Variants in DIAPH2 observed in about 807,000 individuals in gnomAD.
The protein encoded by DIAPH2 is protein diaphanous homolog 2.
Under a neutral mutation model 92.7 loss-of-function variants are expected in DIAPH2, and 35 were observed. That is an observed-to-expected ratio of 0.38 (90% CI 0.29 to 0.50). The LOEUF (loss-of-function observed/expected upper bound fraction) is 0.50. Ranked by LOEUF, DIAPH2 falls within the 20% of genes least tolerant of loss-of-function variation. The pLI is 0.94. For synonymous variants in DIAPH2, 301 were observed against 280.4 expected (o/e 1.07, Z -0.73); for missense variants, 701 against 819.5 (o/e 0.86, Z 1.77).
At chrX:97,418,460 A>G (rs2069972147) in intron 25 of DIAPH2, among the ~76,000 whole-genome samples, 1 of 111,724 alleles carries the variant, frequency 9.0e-6, no homozygotes, top group African/African-American at 3.3e-5. Context: ...TCATAAGGAC[A>G]GTTCTTGAAA....
intron 26 of DIAPH2, among the ~76,000 whole-genome samples, chrX:97,482,690 A>G (rs1209190631): frequency 8.9e-6 from 1 of 111,911 alleles, no homozygotes; most frequent in East Asian, 2.8e-4. Context: ...TGCATTACCA[A>G]TGACAAATCA....
chrX:97,450,698 C>T (rs1465768201), intron 26 of DIAPH2, among the ~76,000 whole-genome samples: 2 of 111,026 alleles, frequency 1.8e-5, no homozygotes, highest in African/African-American at 3.3e-5. Context: ...TCTGGGAGCC[C>T]TTATGTCCCA....
chrX:97,438,133 A>G (rs930724960), intron 26 of DIAPH2, among the ~76,000 whole-genome samples: 1 of 106,704 alleles, frequency 9.4e-6, no homozygotes, highest in Non-Finnish European at 1.9e-5. Context: ...AAAAAAAAAA[A>G]AAAGAAAAAA....
intron 17 of DIAPH2, among the ~76,000 whole-genome samples, chrX:96,983,843 G>A (rs5921050): frequency 0.066 from 7,360 of 111,180 alleles, 233 homozygotes; most frequent in African/African-American, 0.096. Flanking sequence ...ATTTAATAAC[G>A]TTTTTGAAAA....
chrX:97,275,442 G>A (rs1419654132), intron 23 of DIAPH2, among the ~76,000 whole-genome samples: 3 of 107,826 alleles, frequency 2.8e-5, no homozygotes, highest in Admixed American at 9.8e-5. Context: ...CCTCCCAGAC[G>A]GGGCGGCTGC....
intron 19 of DIAPH2, among the ~76,000 whole-genome samples, chrX:97,082,444 AC>A (rs1390389700): frequency 5.3e-4 from 55 of 104,166 alleles, no homozygotes; most frequent in African/African-American, 2.0e-3. Context: ...ACGTAATGAA[AC>A]CCCGACTCTA....
intron 5 of DIAPH2, among the ~76,000 whole-genome samples, chrX:96,905,460 C>A (rs1024809820): frequency 8.1e-5 from 9 of 110,997 alleles, no homozygotes; most frequent in Admixed American, 1.9e-4. Flanking sequence ...TCAATAGGTA[C>A]ATTTATAGAA....
intron 17 of DIAPH2, among the ~76,000 whole-genome samples, chrX:97,057,929 A>G (rs1016314801): frequency 9.2e-6 from 1 of 108,189 alleles, no homozygotes; most frequent in Non-Finnish European, 1.9e-5. Flanking sequence ...GCTACATGCT[A>G]TTTTTCTCTT....
At chrX:97,278,135 C>T (rs537347114) in intron 23 of DIAPH2, among the ~76,000 whole-genome samples, 6 of 112,489 alleles carry the variant, frequency 5.3e-5, no homozygotes, top group South Asian at 3.7e-4. Flanking sequence ...TGAGCCACCA[C>T]GCCCAATCAA....
At chrX:97,543,142 T>G (rs2071153601) in intron 26 of DIAPH2, among the ~76,000 whole-genome samples, 1 of 112,397 alleles carries the variant, frequency 8.9e-6, no homozygotes, top group East Asian at 2.8e-4. Context: ...TCCAGGGTAG[T>G]CCCATTCATA....
intron 15 of DIAPH2, among the ~76,000 whole-genome samples, chrX:96,950,808 C>T (rs2065770003): frequency 9.0e-6 from 1 of 111,415 alleles, no homozygotes; most frequent in Non-Finnish European, 1.9e-5. Context: ...TGAGTTTTTC[C>T]TCCTTTATCT....
intron 24 of DIAPH2, among the ~76,000 whole-genome samples, chrX:97,356,591 A>T (rs2069269824): frequency 8.9e-6 from 1 of 112,040 alleles, no homozygotes; most frequent in Non-Finnish European, 1.9e-5. Context: ...TACAGATATC[A>T]TTGAATTCTT....
chrX:96,884,144 C>T (rs983838102), intron 5 of DIAPH2: 15 of 442,863 alleles, frequency 3.4e-5, no homozygotes, highest in Non-Finnish European at 5.4e-5. Flanking sequence ...CCACAGGTAG[C>T]GTGACGCTTG....
At chrX:96,956,077 A>G (rs923574804) in intron 15 of DIAPH2, among the ~76,000 whole-genome samples, 1 of 112,719 alleles carries the variant, frequency 8.9e-6, no homozygotes, top group African/African-American at 3.2e-5. Context: ...CCCTGCAGCA[A>G]ACTTCTGCCT....
intron 17 of DIAPH2, among the ~76,000 whole-genome samples, chrX:96,990,867 C>T (rs1380384683): frequency 1.8e-5 from 2 of 110,534 alleles, no homozygotes; most frequent in East Asian, 5.7e-4. Context: ...TCTCAGTAAC[C>T]CCTTCCTTCA....
At chrX:97,536,096 G>T (rs900643190) in intron 26 of DIAPH2, among the ~76,000 whole-genome samples, 4 of 112,283 alleles carry the variant, frequency 3.6e-5, no homozygotes, top group Non-Finnish European at 5.6e-5. Flanking sequence ...AGAATTTCAA[G>T]AAGTTTACTA....
intron 26 of DIAPH2, among the ~76,000 whole-genome samples, chrX:97,472,135 T>C (rs189061646): frequency 3.6e-5 from 4 of 112,475 alleles, no homozygotes; most frequent in African/African-American, 1.3e-4. Context: ...ATGAGTGATA[T>C]AATTTGTAGA....
chrX:97,362,063 A>G lies in DIAPH2; in HGVS notation c.3009+13783A>G, dbSNP rs762571435. On this transcript the variant is annotated intron_variant, in intron 24 of 26. Coordinates refer to ENST00000324765, the MANE Select transcript of DIAPH2 (RefSeq NM_006729.5). ...CGAGACCAGCCTGGCCAACATGGTG[A>G]AACCCTGTCTCTACTAAAAATACAA... 6.3e-5 allele frequency among the ~76,000 whole-genome samples: 7 copies of G among 111,292 alleles called. No individual in the cohort carries two copies. In the South Asian group the frequency reaches 2.7e-3, roughly 42 times the overall value.
intron 26 of DIAPH2, among the ~76,000 whole-genome samples, chrX:97,521,061 G>A (rs1295148178): frequency 9.0e-6 from 1 of 111,294 alleles, no homozygotes; most frequent in African/African-American, 3.3e-5. Context: ...ATTAGGTCAT[G>A]AAGGCTCTGC....
Sources: gnomAD v4.1 joint callset for allele counts (sites outside exome capture counted in the v4.1 genomes callset) on GRCh38, gnomAD v4.1.1 for gene constraint, MANE v1.5 for transcripts, NCBI Gene and HGNC (gene_info 2026-07-23, HGNC 2026-07-21) for gene names.